The following NLGN1 variants were observed in gnomAD, a reference collection of about 807,000 sequenced individuals.
The protein encoded by NLGN1 is neuroligin-1.
Under a neutral mutation model 65.5 loss-of-function variants are expected in NLGN1, and 12 were observed. The observed-to-expected ratio is 0.18, with a 90% CI of 0.12 to 0.30. The LOEUF is 0.30. Ranked by LOEUF, NLGN1 falls within the 10% of genes least tolerant of loss-of-function variation. The pLI, the probability that NLGN1 is intolerant of heterozygous loss-of-function variation, is 1.00. For synonymous variants in NLGN1, 350 were observed against 359.5 expected (o/e 0.97, Z 0.30); for missense variants, 750 against 1,007.1 (o/e 0.74, Z 3.46).
Position 174,015,531 on chromosome 3 carries a change from C to T in NLGN1, c.646+207699C>T, listed in dbSNP as rs1491703. 8.4e-3 allele frequency among the ~76,000 whole-genome samples: 1,279 copies of T among 152,266 alleles called. 10 individuals carry two copies. Among genetic ancestry groups the T allele is most frequent in the Admixed American group, 0.014 (213 of 15,272 alleles). On this transcript the variant is annotated intron_variant, in intron 4 of 6. Transcript: ENST00000457714. ...TCTAAACCTAATTAACTCCCAAAGG[C>T]CCCATCTCCAAATACAATGACTTCA...
intron 4 of NLGN1, among the ~76,000 whole-genome samples, chr3:173,881,628 A>G (rs1277091304): frequency 1.3e-5 from 2 of 150,798 alleles, no homozygotes; most frequent in Admixed American, 6.6e-5. Context: ...GGGTTTCACT[A>G]TTGTAGCCAG....
intron 3 of NLGN1, among the ~76,000 whole-genome samples, chr3:173,649,616 A>G (rs1287688845): frequency 2.0e-5 from 3 of 152,148 alleles, no homozygotes; most frequent in Admixed American, 2.0e-4. Flanking sequence ...CGTGAAAACT[A>G]GTTCCTAATA....
intron 4 of NLGN1, among the ~76,000 whole-genome samples, chr3:173,968,010 C>A (rs147254389): frequency 2.0e-5 from 3 of 152,156 alleles, no homozygotes; most frequent in African/African-American, 4.8e-5. Flanking sequence ...CAGTAACTTA[C>A]AATTCAAATG....
At chr3:173,401,777 T>C (rs777603731) in intron 1 of NLGN1, among the ~76,000 whole-genome samples, 18 of 152,170 alleles carry the variant, frequency 1.2e-4, no homozygotes, top group Non-Finnish European at 2.2e-4. Context: ...AAAATTCGTC[T>C]AAATACTTCA....
chr3:173,982,668 C>A (rs1488397847), intron 4 of NLGN1, among the ~76,000 whole-genome samples: 1 of 152,152 alleles, frequency 6.6e-6, no homozygotes, highest in African/African-American at 2.4e-5. Flanking sequence ...GTGTCAATTT[C>A]TGAGTCAAAC....
chr3:173,505,720 G>T (rs1017087362), intron 2 of NLGN1, among the ~76,000 whole-genome samples: 2 of 151,990 alleles, frequency 1.3e-5, no homozygotes, highest in Non-Finnish European at 2.9e-5. Flanking sequence ...GACCATTCAG[G>T]ATCTTCTTGT....
intron 2 of NLGN1, among the ~76,000 whole-genome samples, chr3:173,597,593 A>G (rs1007770068): frequency 2.0e-5 from 3 of 152,048 alleles, no homozygotes; most frequent in African/African-American, 7.2e-5. Context: ...TAACCAAACC[A>G]TATTTTTGCT....
intron 4 of NLGN1, among the ~76,000 whole-genome samples, chr3:174,113,421 GACATAGTCTTT>G (rs1239656678): frequency 2.0e-5 from 3 of 151,958 alleles, no homozygotes; most frequent in Non-Finnish European, 4.4e-5. Context: ...AGTTTTATGA[GACATAGTCTTT>G]ACTATTCAAT....
intron 3 of NLGN1, among the ~76,000 whole-genome samples, chr3:173,759,329 A>T (rs773489999): frequency 1.3e-5 from 2 of 152,058 alleles, no homozygotes; most frequent in Non-Finnish European, 2.9e-5. Context: ...ATATTAGCAA[A>T]GATAAACCAT....
chr3:173,719,944 G>A (rs1235795990), intron 3 of NLGN1, among the ~76,000 whole-genome samples: 1 of 151,784 alleles, frequency 6.6e-6, no homozygotes, highest in African/African-American at 2.4e-5. Flanking sequence ...GTGGGACCTC[G>A]TCTCTACAAA....
chr3:174,284,462 G>A (rs966663720), exon 7 of NLGN1: 1 of 150,832 alleles, frequency 6.6e-6, no homozygotes, highest in Non-Finnish European at 1.5e-5. Flanking sequence ...AATATTTTTG[G>A]CATTATTTGT....
intron 4 of NLGN1, among the ~76,000 whole-genome samples, chr3:174,041,536 T>A (rs1352123207): frequency 6.6e-6 from 1 of 152,188 alleles, no homozygotes; most frequent in Non-Finnish European, 1.5e-5. Context: ...TTCTCAAAAG[T>A]GACAGTATCG....
At chr3:173,520,598 A>G (rs929877657) in intron 2 of NLGN1, among the ~76,000 whole-genome samples, 2 of 152,190 alleles carry the variant, frequency 1.3e-5, no homozygotes, top group African/African-American at 4.8e-5. Flanking sequence ...AAGCTTTTGT[A>G]GTAATAGGAC....
chr3:173,956,437 A>G (rs1047391824), intron 4 of NLGN1, among the ~76,000 whole-genome samples: 4 of 152,036 alleles, frequency 2.6e-5, no homozygotes, highest in African/African-American at 9.7e-5. Flanking sequence ...TTTATAAGCT[A>G]GTTATATGTT....
intron 4 of NLGN1, among the ~76,000 whole-genome samples, chr3:173,829,223 T>G (rs962539356): frequency 6.6e-6 from 1 of 152,060 alleles, no homozygotes; most frequent in Non-Finnish European, 1.5e-5. Context: ...GAGGAACAAC[T>G]TTTTGGCAAG....
chr3:174,060,649 C>T (rs1029741456), intron 4 of NLGN1, among the ~76,000 whole-genome samples: 30 of 152,098 alleles, frequency 2.0e-4, no homozygotes, highest in African/African-American at 7.0e-4. Flanking sequence ...CACTTTCAGT[C>T]AATCAATCAT....
intron 4 of NLGN1, among the ~76,000 whole-genome samples, chr3:174,053,415 G>T (rs1427441375): frequency 6.6e-6 from 1 of 151,928 alleles, no homozygotes; most frequent in African/African-American, 2.4e-5. Context: ...AACTACAAAT[G>T]TACCATTTGA....
Position 173,640,248 on chromosome 3 carries a change from T to G in NLGN1, c.493+35157T>G, listed in dbSNP as rs547954716. ...TAAAGTCAGTCATCTGAAGCCTGTA[T>G]TTTAATGAGGGAAATTTTACATTTT... On this transcript the variant is annotated intron_variant, in intron 3 of 6. Coordinates refer to ENST00000457714, the Ensembl canonical transcript of NLGN1. 5.9e-4 allele frequency among the ~76,000 whole-genome samples: 90 copies of G among 152,286 alleles called. 1 individual carries two copies. Among genetic ancestry groups the G allele is most frequent in the African/African-American group, 2.1e-3 (89 of 41,578 alleles).
chr3:173,830,237 C>T (rs1426915455), intron 4 of NLGN1, among the ~76,000 whole-genome samples: 2 of 152,124 alleles, frequency 1.3e-5, no homozygotes, highest in Non-Finnish European at 2.9e-5. Flanking sequence ...GCTGTCATAA[C>T]TTATGACATT....
Sources: gnomAD v4.1 joint callset for allele counts (sites outside exome capture counted in the v4.1 genomes callset) on GRCh38, gnomAD v4.1.1 for gene constraint, MANE v1.5 for transcripts, NCBI Gene and HGNC (gene_info 2026-07-23, HGNC 2026-07-21) for gene names.